SLC45A2: variants seen among roughly 807,000 people sequenced by gnomAD.
SLC45A2 encodes the protein membrane-associated transporter protein.
In SLC45A2, 36 loss-of-function variants were observed where a neutral mutation model predicts 45.5. That is an observed-to-expected ratio of 0.79 (90% CI 0.61 to 1.04). SLC45A2 has a LOEUF of 1.04. Ranked by LOEUF, SLC45A2 falls within the 50% of genes least tolerant of loss-of-function variation. The probability of loss-of-function intolerance (pLI) is 0.00; values close to 1 mark genes in which losing one functional copy is unlikely to be tolerated. For synonymous variants in SLC45A2, 306 were observed against 269.3 expected (o/e 1.14, Z -1.33); for missense variants, 719 against 671.0 (o/e 1.07, Z -0.79).
Position 33,951,696 on chromosome 5 carries a change from G to C in SLC45A2, c.1033-19C>G, listed in dbSNP as rs1456885933. On this transcript the variant is annotated intron_variant, in intron 4 of 6. Transcript: ENST00000296589. ...ACACAATCTGAAAGAGAGATTGGAG[G>C]CTGTTGAGGTACAAATGCAATGTAG... The C allele has an allele frequency of 1.2e-6, 2 of 1,614,130 alleles. No individual in the cohort carries two copies. The highest frequency in any genetic ancestry group is 1.7e-5 in the Admixed American group (1 of 60,012).
chr5:33,967,121 G>C (rs890715478), intron 2 of SLC45A2, among the ~76,000 whole-genome samples: 4 of 152,208 alleles, frequency 2.6e-5, no homozygotes, highest in African/African-American at 9.6e-5. Flanking sequence ...CCTAGAAGCA[G>C]AAGATAGCTA....
At chr5:33,966,534 G>C (rs1197144974) in intron 2 of SLC45A2, among the ~76,000 whole-genome samples, 1 of 148,578 alleles carries the variant, frequency 6.7e-6, no homozygotes, top group Admixed American at 6.8e-5. Flanking sequence ...TCCGCTTCCC[G>C]GGTTCACGCC....
chr5:33,950,206 CA>C (rs1031925805), intron 5 of SLC45A2, among the ~76,000 whole-genome samples: 1 of 150,940 alleles, frequency 6.6e-6, no homozygotes, highest in African/African-American at 2.4e-5. Context: ...AGAAGAAAAA[CA>C]AAAAAAAGCA....
intron 2 of SLC45A2, chr5:33,972,426 A>C (rs35415): frequency 0.54 from 179,729 of 332,740 alleles, 51,206 homozygotes; most frequent in Non-Finnish European, 0.6. Context: ...CCCCTTACAA[A>C]GTATGGTGAA....
At chr5:33,969,325 G>A (rs955611089) in intron 2 of SLC45A2, among the ~76,000 whole-genome samples, 1 of 151,906 alleles carries the variant, frequency 6.6e-6, no homozygotes, top group Non-Finnish European at 1.5e-5. Context: ...CATATGCTCT[G>A]GTCAAAGACC....
chr5:33,972,859 G>A (rs1752827504), intron 2 of SLC45A2, among the ~76,000 whole-genome samples: 1 of 152,214 alleles, frequency 6.6e-6, no homozygotes, highest in African/African-American at 2.4e-5. Flanking sequence ...AGAAGAATGT[G>A]TTGAAACTTT....
intron 3 of SLC45A2, among the ~76,000 whole-genome samples, chr5:33,961,463 A>G (rs1483713325): frequency 6.6e-6 from 1 of 152,094 alleles, no homozygotes; most frequent in Non-Finnish European, 1.5e-5. Flanking sequence ...TTCATGCTTT[A>G]AAAAAAATTT....
At chr5:33,982,485 A>C (rs1447083187) in intron 1 of SLC45A2, 73 bp from the exon 2 acceptor site, 4 of 1,429,140 alleles carry the variant, frequency 2.8e-6, no homozygotes, top group Non-Finnish European at 3.9e-6. Flanking sequence ...TTCCACCTAA[A>C]CTTCTTGCCA....
intron 2 of SLC45A2, among the ~76,000 whole-genome samples, chr5:33,973,368 C>T (rs1186724343): frequency 6.6e-6 from 1 of 152,160 alleles, no homozygotes; most frequent in Non-Finnish European, 1.5e-5. Context: ...TGGCCATATC[C>T]TTTCCAAGCT....
intron 2 of SLC45A2, chr5:33,970,760 G>A (rs1207206982): frequency 8.0e-6 from 2 of 250,744 alleles, no homozygotes; most frequent in African/African-American, 2.3e-5. Flanking sequence ...ATTCAAGATA[G>A]TGGTGGTCAA....
intron 3 of SLC45A2, 128 bp from the exon 4 acceptor site, chr5:33,954,632 A>G: frequency 7.5e-7 from 1 of 1,330,106 alleles, no homozygotes; most frequent in Non-Finnish European, 1.0e-6. Flanking sequence ...CTTTTCCTGG[A>G]CATGGAACTA....
chr5:33,952,738 A>T, intron 4 of SLC45A2, among the ~76,000 whole-genome samples: 1 of 130,718 alleles, frequency 7.7e-6, no homozygotes, highest in East Asian at 2.2e-4. Flanking sequence ...ACATGTGCAC[A>T]TTGTGCAGGT....
intron 2 of SLC45A2, among the ~76,000 whole-genome samples, chr5:33,964,237 T>A (rs1039769564): frequency 6.6e-6 from 1 of 152,122 alleles, no homozygotes; most frequent in Non-Finnish European, 1.5e-5. Context: ...TTGGGCTTCC[T>A]CACCCAGAAT....
intron 4 of SLC45A2, 27 bp downstream of exon 4, chr5:33,954,334 G>A (rs1302488430): frequency 6.2e-7 from 1 of 1,613,828 alleles, no homozygotes. Context: ...GTGTAACAGT[G>A]ATTGTGTGCA....
At chr5:33,961,339 T>C (rs949450202) in intron 3 of SLC45A2, among the ~76,000 whole-genome samples, 3 of 152,214 alleles carry the variant, frequency 2.0e-5, no homozygotes, top group Non-Finnish European at 4.4e-5. Flanking sequence ...TTTTAGTTCC[T>C]ATGCTGGCAT....
intron 5 of SLC45A2, chr5:33,951,323 C>A (rs183184046): frequency 6.8e-6 from 8 of 1,173,870 alleles, no homozygotes; most frequent in African/African-American, 1.5e-5. Context: ...TGATCAGGAA[C>A]CCACTGATTC....
rs1231728372 is a variant in SLC45A2, at chr5:33,944,821, T to C, written c.1420A>G (p.Met474Val). Residue 474 changes from methionine (M) to valine (V), a missense_variant, in exon 7 of 7, where the codon ATG becomes GTG. Transcript: ENST00000296589. The part of the protein sequence containing the change: ...DPDNSVRGKG[M>V]DCATLTCMVQ... Reference sequence around the variant, plus strand: ...ATGCATGTGAGGGTGGCGCAGTCCATGCCCTTCCCTCTCACGCTGTTGTCT... The same window carrying C: ...ATGCATGTGAGGGTGGCGCAGTCCACGCCCTTCCCTCTCACGCTGTTGTCT... 1 of 1,614,078 alleles carries C rather than the reference T, an allele frequency of 6.2e-7. No homozygotes were observed. The highest frequency in any genetic ancestry group is 1.3e-5 in the African/African-American group (1 of 74,956).
At chr5:33,970,928 G>A (rs961292894) in intron 2 of SLC45A2, 5 of 412,378 alleles carry the variant, frequency 1.2e-5, no homozygotes, top group African/African-American at 1.0e-4. Flanking sequence ...GCATGGAGAT[G>A]GGCACCATCT....
intron 2 of SLC45A2, among the ~76,000 whole-genome samples, chr5:33,969,748 C>A (rs1176494914): frequency 1.3e-5 from 2 of 152,060 alleles, no homozygotes; most frequent in Non-Finnish European, 1.5e-5. Context: ...ATGGGCCTAG[C>A]TAGAGTTGGA....
Sources: gnomAD v4.1 joint callset for allele counts (sites outside exome capture counted in the v4.1 genomes callset) on GRCh38, gnomAD v4.1.1 for gene constraint, MANE v1.5 for transcripts, NCBI Gene and HGNC (gene_info 2026-07-23, HGNC 2026-07-21) for gene names.